The following TOP2B variants were observed in gnomAD, a reference collection of about 807,000 sequenced individuals.
TOP2B encodes DNA topoisomerase 2-beta.
A neutral mutation model predicts 193.5 loss-of-function variants in TOP2B; 51 were observed. The observed-to-expected ratio is 0.26, with a 90% confidence interval of 0.21 to 0.33. The LOEUF is 0.33. TOP2B is among the 10% of genes least tolerant of loss of function. The pLI is 1.00. For synonymous variants in TOP2B, 634 were observed against 635.7 expected (o/e 1.00, Z 0.04); for missense variants, 1,378 against 1,909.3 (o/e 0.72, Z 5.19).
At chr3:25,608,627 T>G (rs1702293878) in intron 30 of TOP2B, among the ~76,000 whole-genome samples, 1 of 152,172 alleles carries the variant, frequency 6.6e-6, no homozygotes, top group Non-Finnish European at 1.5e-5. Context: ...TTCAGAAGAA[T>G]GTACAAAATA....
intron 4 of TOP2B, among the ~76,000 whole-genome samples, chr3:25,641,637 A>C (rs979106707): frequency 6.6e-6 from 1 of 152,122 alleles, no homozygotes; most frequent in Admixed American, 6.5e-5. Flanking sequence ...TAGTTTTATT[A>C]TACTACTAAT....
At chr3:25,650,052 A>G (rs1314580084) in intron 1 of TOP2B, among the ~76,000 whole-genome samples, 3 of 152,164 alleles carry the variant, frequency 2.0e-5, no homozygotes, top group Non-Finnish European at 4.4e-5. Flanking sequence ...CCTTTTAAAG[A>G]TTTAAGATTA....
chr3:25,627,040 C>A, intron 16 of TOP2B, 147 bp downstream of exon 16: 2 of 700,472 alleles, frequency 2.9e-6, no homozygotes, highest in Non-Finnish European at 4.8e-6. Flanking sequence ...GAAGTTTATA[C>A]AAGCACAGCA....
intron 1 of TOP2B, among the ~76,000 whole-genome samples, chr3:25,651,419 A>ATT (rs1367578446): frequency 6.6e-6 from 1 of 151,416 alleles, no homozygotes; most frequent in Non-Finnish European, 1.5e-5. Context: ...ACAAAGAGAA[A>ATT]TTAGAAGAAA....
chr3:25,624,203 T>C (rs371069826), intron 20 of TOP2B, 94 bp downstream of exon 20: 1 of 1,400,770 alleles, frequency 7.1e-7, no homozygotes, highest in South Asian at 1.4e-5. Flanking sequence ...AACCAGATAA[T>C]CACATCTCTC....
chr3:25,607,402 T>TA (rs1273116793), intron 30 of TOP2B, 27 bp from the exon 31 acceptor site: 1 of 1,546,774 alleles, frequency 6.5e-7, no homozygotes, highest in African/African-American at 1.4e-5. Context: ...AAATGAATGT[T>TA]AAACTCAAAT....
chr3:25,629,248 A>C (rs1702889725), intron 13 of TOP2B, 103 bp from the exon 14 acceptor site: 1 of 746,114 alleles, frequency 1.3e-6, no homozygotes, highest in African/African-American at 1.8e-5. Flanking sequence ...CAAAATTCTG[A>C]ATTTTAGAAA....
At chr3:25,602,717 C>T (rs1028851266) in intron 33 of TOP2B, among the ~76,000 whole-genome samples, 3 of 152,102 alleles carry the variant, frequency 2.0e-5, no homozygotes, top group Non-Finnish European at 4.4e-5. Context: ...GCCAGGTGTT[C>T]TAGGAACCAC....
chr3:25,639,262 T>G (rs559155853), intron 4 of TOP2B, among the ~76,000 whole-genome samples: 19 of 152,336 alleles, frequency 1.2e-4, no homozygotes, highest in Non-Finnish European at 1.9e-4. Context: ...TAAAGAACAC[T>G]TAAGCTAGAG....
intron 15 of TOP2B, among the ~76,000 whole-genome samples, chr3:25,628,171 T>TAAAAAAAAAA (rs11444499): frequency 7.7e-6 from 1 of 130,174 alleles, no homozygotes; most frequent in Non-Finnish European, 1.6e-5. Flanking sequence ...TAACATTATT[T>TAAAAAAAAAA]AAAAAAAAAA....
chr3:25,639,704 T>C (rs539292554), intron 4 of TOP2B, among the ~76,000 whole-genome samples: 1 of 152,354 alleles, frequency 6.6e-6, no homozygotes, highest in East Asian at 1.9e-4. Flanking sequence ...TTGTAAGAAG[T>C]TGCTCTAAGT....
In TOP2B at chr3:25,615,291, A is replaced by G. The variant is rs770879861; in HGVS notation, c.3508-3T>C. On this transcript the variant is annotated splice_polypyrimidine_tract_variant and splice_region_variant and intron_variant, in intron 26 of 35. Coordinates refer to ENST00000264331, the MANE Select transcript of TOP2B (RefSeq NM_001330700.2). Reference sequence around the variant, plus strand: ...TTAAGATCATTGACCTCTCGCCCCTATAATAAAAAAGTACAGTTTAAACAT... The same window carrying G: ...TTAAGATCATTGACCTCTCGCCCCTGTAATAAAAAAGTACAGTTTAAACAT... 1.7e-5 allele frequency: 27 copies of G among 1,606,372 alleles called. No individual in the cohort carries two copies. Among genetic ancestry groups the G allele is most frequent in the Admixed American group, 1.2e-4 (7 of 58,616 alleles).
intron 22 of TOP2B, 22 bp from the exon 23 acceptor site, chr3:25,620,084 T>A: frequency 7.1e-7 from 1 of 1,404,742 alleles, no homozygotes; most frequent in South Asian, 1.3e-5. Context: ...TAAAAATTAG[T>A]GATTCTTTTC....
intron 35 of TOP2B, among the ~76,000 whole-genome samples, chr3:25,598,863 G>C (rs1208895609): frequency 2.0e-5 from 3 of 152,162 alleles, no homozygotes; most frequent in African/African-American, 7.2e-5. Flanking sequence ...TGTGTAGTAT[G>C]TGTGCACTGT....
intron 30 of TOP2B, 40 bp from the exon 31 acceptor site, chr3:25,607,415 T>C (rs1702263023): frequency 2.0e-6 from 3 of 1,535,750 alleles, no homozygotes; most frequent in Middle Eastern, 1.7e-4. Flanking sequence ...ACTCAAATCC[T>C]AGCTTTGTAT....
In TOP2B at chr3:25,664,365, G is replaced by A; in HGVS notation, c.-68C>T. The A allele has an allele frequency of 7.2e-7, 1 of 1,384,854 alleles. No individual in the cohort carries two copies. Among genetic ancestry groups the A allele is most frequent in the East Asian group, 3.1e-5 (1 of 32,770 alleles). 85.8% of individuals were successfully genotyped at this position (1,384,854 alleles called of 1,614,324 possible). A position where few individuals can be genotyped will look rare whatever the true frequency, so the allele number is the denominator to read the frequency against. On this transcript the variant is annotated 5_prime_UTR_variant, in exon 1 of 36. Transcript: ENST00000264331. ...GCTCCCGCCTCCCTGCGGGCCGCTG[G>A]GCCCCGCCGCTCCGCACCCACCGCT...
chr3:25,647,420 T>C (rs1268643646), intron 1 of TOP2B, among the ~76,000 whole-genome samples: 5 of 152,206 alleles, frequency 3.3e-5, no homozygotes, highest in Non-Finnish European at 7.3e-5. Flanking sequence ...TTAGAACTGC[T>C]ATTCTAAGTC....
In TOP2B at chr3:25,607,231, G is replaced by A; in HGVS notation, c.4238C>T (p.Ser1413Leu). The A allele has an allele frequency of 6.2e-7, 1 of 1,609,448 alleles. No individual in the cohort carries two copies. Among genetic ancestry groups the A allele is most frequent in the Non-Finnish European group, 8.5e-7 (1 of 1,177,360 alleles). The change falls in exon 31 of 36, where the codon TCA becomes TTA. Residue 1413 changes from serine to leucine, a missense_variant. Transcript: ENST00000264331. ...TNDGEDEFVP[S>L]DGLDKDEYTF... is the part of the protein sequence containing the mutation. ...ATATTCATCTTTATCTAACCCATCT[G>A]AAGGAACAAATTCATCTTCCCCATC...
intron 7 of TOP2B, among the ~76,000 whole-genome samples, 190 bp from the exon 8 acceptor site, chr3:25,634,204 T>C (rs1335288490): frequency 6.6e-6 from 1 of 152,138 alleles, no homozygotes; most frequent in East Asian, 1.9e-4. Flanking sequence ...TTCATTTCTA[T>C]GTGTACTTGA....
Sources: gnomAD v4.1 joint callset for allele counts (sites outside exome capture counted in the v4.1 genomes callset) on GRCh38, gnomAD v4.1.1 for gene constraint, MANE v1.5 for transcripts, NCBI Gene and HGNC (gene_info 2026-07-23, HGNC 2026-07-21) for gene names.